Variants in IGSF21 observed in about 807,000 individuals in gnomAD.
The protein encoded by IGSF21 is immunoglobin superfamily member 21, also known as immunoglobulin superfamily member 21.
Under a neutral mutation model 46.8 loss-of-function variants are expected in IGSF21, and 28 were observed. The ratio of observed to expected loss-of-function variants is 0.60; its 90% CI spans 0.44 to 0.82. The LOEUF is 0.82. IGSF21 is among the 40% of genes least tolerant of loss of function. The pLI is 0.00. For synonymous variants in IGSF21, 284 were observed against 273.6 expected, an observed-to-expected ratio of 1.04 and a Z score of -0.38; for missense variants, 624 against 665.5, an observed-to-expected ratio of 0.94 and a Z score of 0.69.
intron 1 of IGSF21, among the ~76,000 whole-genome samples, chr1:18,141,303 T>C (rs1281378809): frequency 6.6e-6 from 1 of 152,228 alleles, no homozygotes; most frequent in Non-Finnish European, 1.5e-5. Context: ...ACTGTCATTA[T>C]TATGTAATGA....
At chr1:18,287,527 A>G (rs1472439596) in intron 2 of IGSF21, among the ~76,000 whole-genome samples, 1 of 152,220 alleles carries the variant, frequency 6.6e-6, no homozygotes, top group African/African-American at 2.4e-5. Context: ...GAGTGAATGA[A>G]ATCATTCATT....
intron 1 of IGSF21, among the ~76,000 whole-genome samples, chr1:18,117,478 G>A (rs563395871): frequency 6.6e-6 from 1 of 152,322 alleles, no homozygotes; most frequent in East Asian, 1.9e-4. Context: ...GTGGACTCAA[G>A]TAACCTCTTC....
At chr1:18,210,268 ACT>A (rs1449539252) in intron 1 of IGSF21, among the ~76,000 whole-genome samples, 3 of 152,006 alleles carry the variant, frequency 2.0e-5, no homozygotes, top group Admixed American at 6.6e-5. Flanking sequence ...CCCCCCAGAC[ACT>A]CTCCTTTGTG....
At position 18,322,989 on chromosome 1, in the gene IGSF21, G is replaced by A. The variant is rs2085619089; in HGVS notation, c.306-11903G>A. On this transcript the variant is annotated intron_variant, in intron 3 of 9. Coordinates refer to ENST00000251296, the MANE Select transcript of IGSF21 (RefSeq NM_032880.5). The surrounding 1 kb of genome is among the most constrained non-coding windows in gnomAD (Gnocchi z 4.3). ...GGTTCAGGGCCCAAGGTGAACAGCA[G>A]TGGCTGGACAGGGCAGGAAAGAGCG... 6.6e-6 allele frequency among the ~76,000 whole-genome samples: 1 copy of A among 152,208 alleles called. No homozygotes were observed. The highest frequency in any genetic ancestry group is 1.5e-5 in the Non-Finnish European group (1 of 68,042).
chr1:18,367,805 A>C (rs1264144723), intron 6 of IGSF21, among the ~76,000 whole-genome samples: 4 of 150,984 alleles, frequency 2.6e-5, no homozygotes, highest in Admixed American at 6.6e-5. Context: ...GGGTTTCACC[A>C]TATCGGCCAG....
intron 1 of IGSF21, among the ~76,000 whole-genome samples, chr1:18,178,100 A>T (rs2086820574): frequency 6.6e-6 from 1 of 152,022 alleles, no homozygotes; most frequent in Non-Finnish European, 1.5e-5. Context: ...AAGTGGGGAG[A>T]GAGAGAGAGA....
intron 3 of IGSF21, among the ~76,000 whole-genome samples, chr1:18,331,266 C>CT (rs1330574551): frequency 1.3e-5 from 2 of 152,068 alleles, no homozygotes; most frequent in Non-Finnish European, 2.9e-5. Flanking sequence ...CCCCTCCCAC[C>CT]TTTTCCCCCA....
At chr1:18,272,089 C>T (rs770432834) in intron 2 of IGSF21, among the ~76,000 whole-genome samples, 5 of 152,066 alleles carry the variant, frequency 3.3e-5, no homozygotes, top group Non-Finnish European at 5.9e-5. Flanking sequence ...ATCATGGCCT[C>T]ACAATCATGG....
chr1:18,332,370 C>T (rs1489743309), intron 3 of IGSF21, among the ~76,000 whole-genome samples: 2 of 152,148 alleles, frequency 1.3e-5, no homozygotes, highest in Non-Finnish European at 2.9e-5. Context: ...CTCCTTTCAC[C>T]TACAAAAGTC....
At chr1:18,176,804 G>A (rs922964665) in intron 1 of IGSF21, among the ~76,000 whole-genome samples, 1 of 152,174 alleles carries the variant, frequency 6.6e-6, no homozygotes, top group African/African-American at 2.4e-5. Flanking sequence ...TAAATAAAAC[G>A]TTGTCAGCTC....
chr1:18,242,024 C>T (rs1306422228), intron 2 of IGSF21, among the ~76,000 whole-genome samples: 1 of 152,190 alleles, frequency 6.6e-6, no homozygotes, highest in Non-Finnish European at 1.5e-5. Flanking sequence ...GGCAGAGGAG[C>T]TTCTGGACAT....
chr1:18,157,671 C>A (rs2086580661), intron 1 of IGSF21, among the ~76,000 whole-genome samples: 1 of 152,238 alleles, frequency 6.6e-6, no homozygotes, highest in Non-Finnish European at 1.5e-5. Flanking sequence ...GCTGCAGCCA[C>A]TAATGGGATG....
chr1:18,310,888 C>T (rs184054131), intron 3 of IGSF21, among the ~76,000 whole-genome samples: 48 of 152,258 alleles, frequency 3.2e-4, no homozygotes, highest in African/African-American at 1.1e-3. Flanking sequence ...ACTCCACCTC[C>T]ATCATCACAC....
chr1:18,197,495 T>C (rs1238203812), intron 1 of IGSF21, among the ~76,000 whole-genome samples: 2 of 152,232 alleles, frequency 1.3e-5, no homozygotes, highest in Non-Finnish European at 2.9e-5. Flanking sequence ...AGCTAAGCCA[T>C]TCACCCTGCT....
intron 3 of IGSF21, among the ~76,000 whole-genome samples, chr1:18,320,887 A>T (rs111785316): frequency 4.6e-5 from 7 of 152,246 alleles, no homozygotes; most frequent in African/African-American, 1.4e-4. Flanking sequence ...ATGCCGGTTG[A>T]CTGCTGTGTC....
In IGSF21 at chr1:18,378,251, C is replaced by T. The variant is rs781635799; in HGVS notation, c.1334-5C>T. 2.5e-6 allele frequency: 4 copies of T among 1,613,736 alleles called. No individual in the cohort carries two copies. Among genetic ancestry groups the T allele is most frequent in the Non-Finnish European group, 3.4e-6 (4 of 1,179,694 alleles). ...CTCTGACCCTTTCCCTGATTCCTGG[C>T]ACAGGTTCCATTGGCCCCACTGGTG... On this transcript the variant is annotated splice_region_variant and splice_polypyrimidine_tract_variant and intron_variant, in intron 9 of 9. Coordinates refer to ENST00000251296, the MANE Select transcript of IGSF21 (RefSeq NM_032880.5).
intron 1 of IGSF21, among the ~76,000 whole-genome samples, chr1:18,196,829 G>A (rs2087013728): frequency 6.6e-6 from 1 of 152,158 alleles, no homozygotes; most frequent in Non-Finnish European, 1.5e-5. Flanking sequence ...ACCTCTGGAA[G>A]ATGCTGTTTT....
chr1:18,172,532 C>T (rs1386142055), intron 1 of IGSF21, among the ~76,000 whole-genome samples: 7 of 152,200 alleles, frequency 4.6e-5, no homozygotes, highest in East Asian at 3.8e-4. Context: ...TGTAGATGGC[C>T]GCCTTCTCAC....
chr1:18,109,207 G>T lies in IGSF21; in HGVS notation c.70+1009G>T, dbSNP rs1457882382. 6.6e-6 allele frequency among the ~76,000 whole-genome samples: 1 copy of T among 151,984 alleles called. No individual in the cohort carries two copies. The highest frequency in any genetic ancestry group is 1.5e-5 in the Non-Finnish European group (1 of 68,000). The stretch of plus-strand genomic sequence containing the variant: ...TTCGCGCAGTGAGCAGAGAGCCAAC[G>T]TGAGGCTAAAAGCCAGGAGGGAGGG... On this transcript the variant is annotated intron_variant, in intron 1 of 9. Transcript: ENST00000251296. The surrounding 1 kb of genome is among the most constrained non-coding windows in gnomAD (Gnocchi z 4.8).
Sources: allele counts gnomAD v4.1 joint callset (sites outside exome capture counted in the v4.1 genomes callset), GRCh38; gene constraint gnomAD v4.1.1; non-coding constraint Gnocchi (gnomAD v3.1); transcripts MANE v1.5; gene names NCBI Gene and HGNC (gene_info 2026-07-23, HGNC 2026-07-21).